Variants in NWD1 observed in about 807,000 individuals in gnomAD.
NWD1 encodes NACHT and WD repeat domain containing 1.
Under a neutral mutation model 135.1 loss-of-function variants are expected in NWD1, and 129 were observed. That is an observed-to-expected ratio of 0.96 (90% CI 0.83 to 1.11). The LOEUF is 1.11. NWD1 is among the 50% of genes least tolerant of loss of function. The pLI is 0.00. For missense variants in NWD1, 1,740 were observed against 1,851.3 expected (o/e 0.94, Z 1.10); for synonymous variants, 773 against 786.0 (o/e 0.98, Z 0.28).
chr19:16,803,504 AAGAC>A (rs1328069343), intron 17 of NWD1, among the ~76,000 whole-genome samples: 12 of 152,240 alleles, frequency 7.9e-5, no homozygotes, highest in African/African-American at 2.4e-4. Flanking sequence ...CCAATGAACT[AAGAC>A]AGGCCCAAGC....
chr19:16,796,355 G>A (rs575833371), intron 15 of NWD1, among the ~76,000 whole-genome samples: 36 of 152,146 alleles, frequency 2.4e-4, no homozygotes, highest in African/African-American at 7.0e-4. Flanking sequence ...CCAGCTACTC[G>A]GGAGGATGAG....
intron 8 of NWD1, among the ~76,000 whole-genome samples, 153 bp downstream of exon 8, chr19:16,762,291 C>A (rs1195911512): frequency 7.1e-6 from 1 of 140,016 alleles, no homozygotes; most frequent in Non-Finnish European, 1.5e-5. Flanking sequence ...ACTGTCCCCC[C>A]CACTCCTTTT....
In NWD1 at chr19:16,791,495, C is replaced by T; in HGVS notation, c.3086C>T (p.Ser1029Leu). 1 of 1,614,152 alleles carries T rather than the reference C, an allele frequency of 6.2e-7. No homozygotes were observed. The highest frequency in any genetic ancestry group is 8.5e-7 in the Non-Finnish European group (1 of 1,180,032). The change falls in exon 14 of 19, where the codon TCA becomes TTA. Residue 1029 changes from serine (S) to leucine (L), a missense_variant. Coordinates refer to ENST00000524140, the MANE Select transcript of NWD1 (RefSeq NM_001007525.5). ...GATGGTGTGGTCAGTCTGTGGAGCT[C>T]AGCTACGGGAAAACTTCAGGGGAAG... ...SRDGVVSLWS[S>L]ATGKLQGKQH...
rs377129066 is a variant in NWD1 at position 16,800,059 on chromosome 19, T to G, written c.3633T>G (p.Phe1211Leu). 1.1e-5 allele frequency: 18 copies of G among 1,614,094 alleles called. No homozygotes were observed. Among genetic ancestry groups the G allele is most frequent in the Admixed American group, 1.7e-5 (1 of 60,004 alleles). ...DAHRSRVPAP[F>L]LDRTGLTAVS... ...ATAGGTCCCGGGTGCCTGCACCATT[T>G]CTGGACCGCACCGGCCTCACCGCAG... is the stretch of plus-strand genomic sequence containing the variant. Residue 1211 changes from phenylalanine to leucine, a missense_variant, in exon 17 of 19, where the codon TTT (phenylalanine) becomes TTG (leucine). Coordinates refer to ENST00000524140, the MANE Select transcript of NWD1 (RefSeq NM_001007525.5).
chr19:16,758,880 T>G (rs1017730921), intron 6 of NWD1, among the ~76,000 whole-genome samples: 1 of 151,784 alleles, frequency 6.6e-6, no homozygotes, highest in Non-Finnish European at 1.5e-5. Context: ...TGGTGGCGCC[T>G]GTAGTCCCAG....
chr19:16,749,732 C>A lies in NWD1; in HGVS notation c.1090C>A (p.His364Asn). The change falls in exon 6 of 19, where the codon CAC (histidine) becomes AAC (asparagine). Residue 364 changes from histidine (H) to asparagine (N), a missense_variant. Physicochemically the swap from His to Asn is moderately conservative, Grantham distance 68. Transcript: ENST00000524140. ...LAEQMPRLLG[H>N]KTVTVLRLLG... ...TGAGCAGATGCCAAGGCTGCTGGGGCACAAGACAGTGACCGTCCTGCGGCT... is the reference window on the plus strand; with the variant it reads ...TGAGCAGATGCCAAGGCTGCTGGGGAACAAGACAGTGACCGTCCTGCGGCT... The A allele has an allele frequency of 6.2e-7, 1 of 1,606,554 alleles. No homozygotes were observed. Among genetic ancestry groups the A allele is most frequent in the South Asian group, 1.1e-5 (1 of 89,946 alleles).
At chr19:16,784,853 CG>C (rs1003903300) in intron 12 of NWD1, among the ~76,000 whole-genome samples, 2 of 149,998 alleles carry the variant, frequency 1.3e-5, no homozygotes, top group African/African-American at 2.5e-5. Context: ...CACTTGAACC[CG>C]GGGGGCGGAG....
chr19:16,787,889 A>G (rs181414314), intron 12 of NWD1, among the ~76,000 whole-genome samples: 19 of 75,884 alleles, frequency 2.5e-4, no homozygotes, highest in African/African-American at 1.1e-3. Flanking sequence ...TAATAATAAT[A>G]ATAATAATAA....
At chr19:16,727,164 G>A (rs1359710808) in intron 2 of NWD1, 1 of 152,244 alleles carries the variant, frequency 6.6e-6, no homozygotes, top group Non-Finnish European at 1.5e-5. Flanking sequence ...TCAAGAGGTT[G>A]GCTGGTCCCC....
chr19:16,811,464 A>G (rs913206537), intron 18 of NWD1, among the ~76,000 whole-genome samples: 1 of 151,668 alleles, frequency 6.6e-6, no homozygotes, highest in African/African-American at 2.4e-5. Context: ...CATGCCTGTA[A>G]TCCCAGCTAC....
rs34646876 is a variant in NWD1 at position 16,742,881 on chromosome 19, CTATTATTATTATTATTAT to C, written c.199-1514_199-1497del. On this transcript the variant is annotated intron_variant, in intron 4 of 18. Transcript: ENST00000524140. ...TAGAGACAGGGTCTCACTATGTTGCCTATTATTATTATTATTATTATTATTATTATTATTATTATTATT... is the reference window on the plus strand; with the variant it reads ...TAGAGACAGGGTCTCACTATGTTGCCTATTATTATTATTATTATTATTATT... 4.4e-4 allele frequency among the ~76,000 whole-genome samples: 58 copies of C among 132,954 alleles called. 2 individuals are homozygous for C. Among genetic ancestry groups the C allele is most frequent in the South Asian group, 7.7e-4 (3 of 3,900 alleles). The allele number at this position is 132,954 out of a possible 152,430, so 87.2% of individuals were successfully genotyped here.
intron 16 of NWD1, among the ~76,000 whole-genome samples, chr19:16,799,321 G>A (rs886143779): frequency 1.3e-5 from 2 of 151,670 alleles, no homozygotes; most frequent in Non-Finnish European, 2.9e-5. Context: ...TCAGCCTCCC[G>A]AGTAACTGCG....
At position 16,793,245 on chromosome 19, in the gene NWD1, G is replaced by GT. The variant is rs992929592; in HGVS notation, c.3214-1212dup. On this transcript the variant is annotated intron_variant, in intron 14 of 18. Transcript: ENST00000524140. ...AGCCTCTTTGCAGATATTTTGTTTT[G>GT]TTTTTTGAGACAGGGTCTTACTTTA... 2.2e-4 allele frequency among the ~76,000 whole-genome samples: 34 copies of GT among 151,854 alleles called. 1 individual carries two copies. Among genetic ancestry groups the GT allele is most frequent in the Middle Eastern group, 3.4e-3 (1 of 292 alleles).
Position 16,749,046 on chromosome 19 carries a change from T to C in NWD1, c.497-93T>C, listed in dbSNP as rs11883276. 140 of 941,836 alleles carry C rather than the reference T, an allele frequency of 1.5e-4. No individual in the cohort carries two copies. The African/African-American group carries it at 2.3e-3, about 15-fold the overall frequency. 58.3% of individuals were successfully genotyped at this position (941,836 alleles called of 1,614,324 possible). A position where few individuals can be genotyped will look rare whatever the true frequency, so the allele number is the denominator to read the frequency against. On this transcript the variant is annotated intron_variant, in intron 5 of 18. Coordinates refer to ENST00000524140, the MANE Select transcript of NWD1 (RefSeq NM_001007525.5). ...CGTTAATCTTGAGAACCAATGCACA[T>C]CCCCCAACAACAGGTCTCCCAGCAA... is the stretch of plus-strand genomic sequence containing the variant.
Position 16,759,758 on chromosome 19 carries a change from G to T in NWD1, c.1973+330G>T, listed in dbSNP as rs148016030. Among the ~76,000 whole-genome samples the T allele has an allele frequency of 8.1e-3, 1,227 of 152,210 alleles. 19 individuals carry two copies. Among genetic ancestry groups the T allele is most frequent in the African/African-American group, 0.028 (1,179 of 41,546 alleles). On this transcript the variant is annotated intron_variant, in intron 7 of 18. Coordinates refer to ENST00000524140, the MANE Select transcript of NWD1 (RefSeq NM_001007525.5). ...GCTAGGTGTGTTAGCACTTTGGGAG[G>T]CTGAGGTGGCGGATCACCTGAGGTC...
chr19:16,778,803 G>A (rs558604512), intron 11 of NWD1, among the ~76,000 whole-genome samples: 4 of 152,152 alleles, frequency 2.6e-5, no homozygotes, highest in East Asian at 1.9e-4. Context: ...GCCTCCCACA[G>A]TGCTGGGTGG....
At chr19:16,800,612 G>A (rs1335180366) in intron 17 of NWD1, among the ~76,000 whole-genome samples, 1 of 152,134 alleles carries the variant, frequency 6.6e-6, no homozygotes, top group African/African-American at 2.4e-5. Context: ...TCTGGAGGCT[G>A]GGAAGTTCCA....
At position 16,791,463 on chromosome 19, in the gene NWD1, G is replaced by C. The variant is rs1020383894; in HGVS notation, c.3054G>C (p.Val1018=). ...VLASQATLLT[V]SRDGVVSLWS... ...CCTCCCAGGCCACACTGCTGACAGT[G>C]TCCAGGGATGGTGTGGTCAGTCTGT... Residue 1018 remains valine, a synonymous_variant, in exon 14 of 19, where the codon GTG becomes GTC. Transcript: ENST00000524140. 1 of 1,614,162 alleles carries C rather than the reference G, an allele frequency of 6.2e-7. No homozygotes were observed.
In NWD1 at chr19:16,816,052, G is replaced by T. The variant is rs915408846; in HGVS notation, c.*1013G>T. The T allele has an allele frequency of 2.5e-4, 38 of 152,238 alleles. No homozygotes were observed. Among genetic ancestry groups the T allele is most frequent in the African/African-American group, 8.9e-4 (37 of 41,440 alleles). 9.4% of individuals were successfully genotyped at this position (152,238 alleles called of 1,614,324 possible). ...GACCTCACTCCAATTTCAGTCTGCA[G>T]AGCACAACCATCTCTTCCACAGGCA... On this transcript the variant is annotated 3_prime_UTR_variant, in exon 19 of 19. Transcript: ENST00000524140.
Sources: allele counts gnomAD v4.1 joint callset (sites outside exome capture counted in the v4.1 genomes callset), GRCh38; gene constraint gnomAD v4.1.1; transcripts MANE v1.5; gene names NCBI Gene and HGNC (gene_info 2026-07-23, HGNC 2026-07-21).